NR6A1: variants seen among roughly 807,000 people sequenced by gnomAD.
NR6A1 encodes the protein nuclear receptor subfamily 6 group A member 1.
In NR6A1, 7 loss-of-function variants were observed where a neutral mutation model predicts 59.1. The observed-to-expected ratio is 0.12, with a 90% CI of 0.07 to 0.22. The LOEUF (loss-of-function observed/expected upper bound fraction) is 0.22, where lower values mean the gene tolerates loss of function less well. Ranked by LOEUF, NR6A1 falls within the 10% of genes least tolerant of loss-of-function variation. The pLI is 1.00. For synonymous variants in NR6A1, 243 were observed against 236.1 expected (o/e 1.03, Z -0.27); for missense variants, 468 against 611.6 (o/e 0.77, Z 2.48).
intron 2 of NR6A1, among the ~76,000 whole-genome samples, chr9:124,702,017 A>T (rs572542868): frequency 1.4e-4 from 21 of 152,120 alleles, no homozygotes; most frequent in African/African-American, 2.9e-4. Flanking sequence ...GAGCCACCGC[A>T]CCCGGCCTTT....
At chr9:124,660,034 T>G (rs1837381454) in intron 2 of NR6A1, among the ~76,000 whole-genome samples, 1 of 152,162 alleles carries the variant, frequency 6.6e-6, no homozygotes, top group South Asian at 2.1e-4. Context: ...ATTTTTCCCT[T>G]CATGGGTTGG....
Position 124,584,487 on chromosome 9 carries a change from A to C in NR6A1, c.143-29917T>G, listed in dbSNP as rs191959399. Among the ~76,000 whole-genome samples the C allele has an allele frequency of 1.5e-3, 227 of 152,150 alleles. 1 individual carries two copies. Among genetic ancestry groups the C allele is most frequent in the African/African-American group, 5.3e-3 (220 of 41,516 alleles). ...CATCAGTACCATTTTTTCCAAAAGC[A>C]TGTGCTCACTTTGTGTCTCTGTGTC... On this transcript the variant is annotated intron_variant, in intron 2 of 9. Coordinates refer to ENST00000487099, the MANE Select transcript of NR6A1 (RefSeq NM_033334.4).
At chr9:124,698,976 G>A (rs935642358) in intron 2 of NR6A1, among the ~76,000 whole-genome samples, 2 of 152,136 alleles carry the variant, frequency 1.3e-5, no homozygotes, top group Non-Finnish European at 2.9e-5. Flanking sequence ...AAAACGGTAG[G>A]TATAGAAGAA....
intron 7 of NR6A1, among the ~76,000 whole-genome samples, chr9:124,534,332 C>CA (rs1482250373): frequency 6.6e-6 from 1 of 152,206 alleles, no homozygotes; most frequent in Non-Finnish European, 1.5e-5. Flanking sequence ...CTCGGCCTCT[C>CA]AAAGTGCTGG....
chr9:124,646,908 G>A (rs927329305), intron 2 of NR6A1, among the ~76,000 whole-genome samples: 1 of 152,094 alleles, frequency 6.6e-6, no homozygotes, highest in Admixed American at 6.6e-5. Context: ...AAAAGTTGTG[G>A]GTGTGGAGTT....
At chr9:124,690,099 G>A (rs774719071) in intron 2 of NR6A1, among the ~76,000 whole-genome samples, 3 of 152,046 alleles carry the variant, frequency 2.0e-5, no homozygotes, top group East Asian at 1.9e-4. Flanking sequence ...TTATCCTCAC[G>A]GCTAGCAGCA....
intron 2 of NR6A1, among the ~76,000 whole-genome samples, chr9:124,578,687 CTA>C (rs1221766990): frequency 1.3e-5 from 2 of 152,172 alleles, no homozygotes; most frequent in Non-Finnish European, 2.9e-5. Context: ...ATTTTCCAAT[CTA>C]TTCTATAATG....
chr9:124,670,647 C>T (rs1231712147), intron 2 of NR6A1, among the ~76,000 whole-genome samples: 3 of 152,028 alleles, frequency 2.0e-5, no homozygotes, highest in Non-Finnish European at 4.4e-5. Flanking sequence ...ACAGCATGAT[C>T]AGGGAAGAAA....
chr9:124,633,798 C>G (rs1294247113), intron 2 of NR6A1, among the ~76,000 whole-genome samples: 1 of 152,216 alleles, frequency 6.6e-6, no homozygotes, highest in East Asian at 1.9e-4. Flanking sequence ...AAACTGCACG[C>G]ATGGTGATGT....
At chr9:124,687,291 A>ATTTAT (rs1838365950) in intron 2 of NR6A1, among the ~76,000 whole-genome samples, 46 of 142,170 alleles carry the variant, frequency 3.2e-4, no homozygotes, top group African/African-American at 8.4e-4. Flanking sequence ...CAGCTAATTA[A>ATTTAT]TTATTTATTT....
intron 1 of NR6A1, among the ~76,000 whole-genome samples, chr9:124,749,119 G>A (rs760312342): frequency 1.3e-5 from 2 of 151,794 alleles, no homozygotes; most frequent in Non-Finnish European, 2.9e-5. Flanking sequence ...AAAATTAGCC[G>A]AGTGTAGTGG....
intron 2 of NR6A1, among the ~76,000 whole-genome samples, chr9:124,718,780 C>T (rs1232583854): frequency 2.7e-5 from 4 of 150,354 alleles, no homozygotes; most frequent in Non-Finnish European, 4.4e-5. Context: ...TTATCGAGTC[C>T]CCTATTAAAC....
chr9:124,530,570 G>A (rs574304115), intron 7 of NR6A1, among the ~76,000 whole-genome samples: 5 of 152,124 alleles, frequency 3.3e-5, no homozygotes, highest in African/African-American at 7.2e-5. Flanking sequence ...TTCCTGCCAG[G>A]ATCCCCCAAA....
intron 2 of NR6A1, among the ~76,000 whole-genome samples, chr9:124,632,935 A>C (rs936456104): frequency 6.6e-6 from 1 of 152,174 alleles, no homozygotes; most frequent in Non-Finnish European, 1.5e-5. Flanking sequence ...CAGCCATGTA[A>C]GGATGTGTTT....
At chr9:124,541,901 G>C (rs903579238) in intron 4 of NR6A1, among the ~76,000 whole-genome samples, 3 of 152,152 alleles carry the variant, frequency 2.0e-5, no homozygotes, top group Admixed American at 1.3e-4. Flanking sequence ...ATTACACCAA[G>C]TGCAATAAAC....
chr9:124,633,328 G>A (rs1037168555), intron 2 of NR6A1, among the ~76,000 whole-genome samples: 52 of 150,440 alleles, frequency 3.5e-4, no homozygotes, highest in Non-Finnish European at 5.6e-4. Context: ...GCGTGAACCC[G>A]GGAGGCGGAG....
intron 2 of NR6A1, among the ~76,000 whole-genome samples, chr9:124,647,671 G>T (rs1836971576): frequency 6.8e-6 from 1 of 146,420 alleles, no homozygotes; most frequent in South Asian, 2.1e-4. Flanking sequence ...AGGTTGCAGT[G>T]AGCCGAGATC....
chr9:124,626,509 A>C (rs1470974206), intron 2 of NR6A1, among the ~76,000 whole-genome samples: 1 of 152,260 alleles, frequency 6.6e-6, no homozygotes, highest in South Asian at 2.1e-4. Context: ...CAGAAATATC[A>C]GAGATAAATT....
At chr9:124,630,755 C>T (rs1415083054) in intron 2 of NR6A1, among the ~76,000 whole-genome samples, 4 of 147,066 alleles carry the variant, frequency 2.7e-5, no homozygotes, top group East Asian at 2.0e-4. Context: ...CTCAGCTCAC[C>T]GCAACCTCTG....
Sources: gnomAD v4.1 joint callset for allele counts (sites outside exome capture counted in the v4.1 genomes callset) on GRCh38, gnomAD v4.1.1 for gene constraint, MANE v1.5 for transcripts, NCBI Gene and HGNC (gene_info 2026-07-23, HGNC 2026-07-21) for gene names.